IRAK4: variants seen among roughly 807,000 people sequenced by gnomAD.
The protein encoded by IRAK4 is interleukin-1 receptor-associated kinase 4.
A neutral mutation model predicts 51.8 loss-of-function variants in IRAK4; 44 were observed. That is an observed-to-expected ratio of 0.85 (90% CI 0.67 to 1.09). IRAK4 has a LOEUF of 1.09. IRAK4 is among the 50% of genes least tolerant of loss of function. The pLI, the probability that IRAK4 is intolerant of heterozygous loss-of-function variation, is 0.00. For missense variants in IRAK4, 487 were observed against 538.0 expected, an observed-to-expected ratio of 0.91 and a Z score of 0.94; for synonymous variants, 149 against 174.1, an observed-to-expected ratio of 0.86 and a Z score of 1.13.
chr12:43,786,430 A>G lies in IRAK4; in HGVS notation c.1220A>G (p.Glu407Gly). The G allele has an allele frequency of 1.9e-6, 3 of 1,600,388 alleles. No individual in the cohort carries two copies. The highest frequency in any genetic ancestry group is 2.6e-6 in the Non-Finnish European group (3 of 1,173,644). ...LDIKEEIEDE[E>G]KTIEDYIDKK... The stretch of plus-strand genomic sequence containing the variant: ...ATTAAAGAAGAAATTGAAGATGAAG[A>G]AAAGACAATTGAAGATTATATTGAT... The change falls in exon 11 of 12, where the codon GAA becomes GGA. Residue 407 changes from glutamate (E) to glycine (G), a missense_variant. Coordinates refer to ENST00000613694, the MANE Select transcript of IRAK4 (RefSeq NM_016123.4).
At chr12:43,763,934 A>T (rs1013246037) in intron 1 of IRAK4, among the ~76,000 whole-genome samples, 2 of 151,960 alleles carry the variant, frequency 1.3e-5, no homozygotes, top group African/African-American at 4.8e-5. Context: ...GTATGCTACC[A>T]TCCTGGTTTT....
At chr12:43,769,201 GAAT>G (rs1940488990) in intron 2 of IRAK4, among the ~76,000 whole-genome samples, 1 of 151,442 alleles carries the variant, frequency 6.6e-6, no homozygotes, top group African/African-American at 2.4e-5. Context: ...TTTCTTTACA[GAAT>G]AATACCTGCA....
intron 1 of IRAK4, among the ~76,000 whole-genome samples, chr12:43,766,956 C>T (rs117068074): frequency 0.019 from 2,819 of 152,230 alleles, 56 homozygotes; most frequent in South Asian, 0.071. Context: ...AGGTGAAGGG[C>T]AGCTAGACCT....
intron 1 of IRAK4, among the ~76,000 whole-genome samples, chr12:43,764,787 C>T (rs563405803): frequency 1.3e-5 from 2 of 152,252 alleles, no homozygotes; most frequent in South Asian, 2.1e-4. Flanking sequence ...TTCTGCTAAA[C>T]ATTTGACTAA....
rs552139351 is a variant in IRAK4 at position 43,769,105 on chromosome 12, T to A, written c.161+833T>A. Among the ~76,000 whole-genome samples, 4 of 152,184 alleles carry A rather than the reference T, an allele frequency of 2.6e-5. No homozygotes were observed. The South Asian group carries it at 8.3e-4, about 32-fold the overall frequency. ...ATTACTGTTAAAAACTTATGGAAGA[T>A]AATTGGGGCAGTGGTGGCAGGAAGA... On this transcript the variant is annotated intron_variant, in intron 2 of 11. Coordinates refer to ENST00000613694, the MANE Select transcript of IRAK4 (RefSeq NM_016123.4).
intron 8 of IRAK4, among the ~76,000 whole-genome samples, chr12:43,778,572 T>G (rs1222947810): frequency 6.6e-6 from 1 of 152,186 alleles, no homozygotes; most frequent in African/African-American, 2.4e-5. Flanking sequence ...TTATGGAAAT[T>G]AGTTGTTTTC....
chr12:43,759,935 G>T (rs1359794271), intron 1 of IRAK4, among the ~76,000 whole-genome samples: 1 of 151,888 alleles, frequency 6.6e-6, no homozygotes, highest in Non-Finnish European at 1.5e-5. Context: ...ATTTAGAATG[G>T]GAACAAACGG....
chr12:43,773,905 C>A, intron 5 of IRAK4, 60 bp from the exon 6 acceptor site: 1 of 1,085,028 alleles, frequency 9.2e-7, no homozygotes, highest in Non-Finnish European at 1.4e-6. Context: ...CTCTTGATCC[C>A]TCTGAGCATT....
chr12:43,767,543 C>A (rs1390294462), intron 1 of IRAK4, among the ~76,000 whole-genome samples: 1 of 151,656 alleles, frequency 6.6e-6, no homozygotes, highest in Non-Finnish European at 1.5e-5. Context: ...CTCATGGACT[C>A]AAAAAATGTG....
At chr12:43,771,434 C>G in intron 3 of IRAK4, 69 bp downstream of exon 3, 6 of 1,489,480 alleles carry the variant, frequency 4.0e-6, no homozygotes, top group Non-Finnish European at 4.7e-6. Flanking sequence ...ATAAATGTTT[C>G]TTCTTACTCT....
At chr12:43,772,125 T>C (rs1286843536) in intron 3 of IRAK4, 55 bp from the exon 4 acceptor site, 29 of 1,441,586 alleles carry the variant, frequency 2.0e-5, no homozygotes, top group Non-Finnish European at 2.6e-5. Context: ...GTTTAACTTT[T>C]TCACAACCAC....
rs1418648054 is a variant in IRAK4 at position 43,786,669 on chromosome 12, C to T, written c.1348-11C>T. 4.3e-6 allele frequency: 7 copies of T among 1,612,252 alleles called. No homozygotes were observed. Among genetic ancestry groups the T allele is most frequent in the Non-Finnish European group, 5.9e-6 (7 of 1,179,198 alleles). ...ATGTGGTTCTTTTGTTTTTTTCTTT[C>T]TTTTTAAAAGGTTCAACAGCTGCTG... On this transcript the variant is annotated splice_polypyrimidine_tract_variant and intron_variant, in intron 11 of 11. Transcript: ENST00000613694.
chr12:43,786,843 T>G lies in IRAK4; in HGVS notation c.*128T>G, dbSNP rs911287558. On this transcript the variant is annotated 3_prime_UTR_variant, in exon 12 of 12. Transcript: ENST00000613694. ...TAGGCTGTTGCAGGACAGTGGTTAT[T>G]AAAGCATGGGTTGAACTTCCAAAAT... The G allele has an allele frequency of 2.5e-6, 2 of 794,808 alleles. No homozygotes were observed. Among genetic ancestry groups the G allele is most frequent in the African/African-American group, 3.5e-5 (2 of 57,262 alleles). The allele number at this position is 794,808 out of a possible 1,614,324, so 49.2% of individuals were successfully genotyped here. A position where few individuals can be genotyped will look rare whatever the true frequency, so the allele number is the denominator to read the frequency against.
chr12:43,768,203 G>T lies in IRAK4; in HGVS notation c.92G>T (p.Gly31Val). ...TCAGATTTTATTGATCCTCAAGAAGGATGGAAGAAGTTAGCTGTAGCTATT... is the reference window on the plus strand; with the variant it reads ...TCAGATTTTATTGATCCTCAAGAAGTATGGAAGAAGTTAGCTGTAGCTATT... ...KLSDFIDPQE[G>V]WKKLAVAIKK... Residue 31 changes from glycine (G) to valine (V), a missense_variant, in exon 2 of 12, where the codon GGA becomes GTA. Coordinates refer to ENST00000613694, the MANE Select transcript of IRAK4 (RefSeq NM_016123.4). The T allele has an allele frequency of 6.2e-7, 1 of 1,613,454 alleles. No individual in the cohort carries two copies. Among genetic ancestry groups the T allele is most frequent in the Non-Finnish European group, 8.5e-7 (1 of 1,179,576 alleles).
chr12:43,760,321 T>TA (rs1335914243), intron 1 of IRAK4, among the ~76,000 whole-genome samples: 2 of 152,224 alleles, frequency 1.3e-5, no homozygotes, highest in African/African-American at 4.8e-5. Context: ...CCACCTGGCT[T>TA]ATTGGTAGGC....
chr12:43,781,975 A>G (rs754131588), intron 8 of IRAK4, among the ~76,000 whole-genome samples: 5 of 152,226 alleles, frequency 3.3e-5, no homozygotes, highest in Non-Finnish European at 7.3e-5. Context: ...TTTACCCTAT[A>G]ATAAATGATT....
chr12:43,772,113 T>C, intron 3 of IRAK4, 67 bp from the exon 4 acceptor site: 1 of 1,246,242 alleles, frequency 8.0e-7, no homozygotes, highest in Non-Finnish European at 1.2e-6. Flanking sequence ...ACCAAGTTTC[T>C]AGTTTAACTT....
rs1406385214 is a variant in IRAK4 at position 43,772,233 on chromosome 12, C to T, written c.361C>T (p.Gln121Ter). 5 of 1,613,606 alleles carry T rather than the reference C, an allele frequency of 3.1e-6. No individual in the cohort carries two copies. The highest frequency in any genetic ancestry group is 2.7e-5 in the African/African-American group (2 of 74,912). ...TLPSKEAITV[Q>*]QKQMPFCDKD... ...ACCTTCTAAAGAAGCTATAACAGTT[C>T]AGCAAAAACAGATGCCTTTCTGTGA... The change falls in exon 4 of 12, where the codon CAG becomes TAG. Residue 121 changes from glutamine (Q) to a stop codon, truncating the protein, a stop_gained. Transcript: ENST00000613694. LOFTEE classifies it high-confidence loss of function.
At chr12:43,773,667 G>T in intron 5 of IRAK4, 1 of 267,110 alleles carries the variant, frequency 3.7e-6, no homozygotes, top group Non-Finnish European at 7.1e-6. Context: ...CACCTAAATT[G>T]CTTATGTTTT....
Sources: allele counts gnomAD v4.1 joint callset (sites outside exome capture counted in the v4.1 genomes callset), GRCh38; gene constraint gnomAD v4.1.1; transcripts MANE v1.5; gene names NCBI Gene and HGNC (gene_info 2026-07-23, HGNC 2026-07-21).